The following DLEC1 variants were observed in gnomAD, a reference collection of about 807,000 sequenced individuals.
DLEC1 encodes DLEC1 cilia and flagella associated protein, also known as deleted in lung and esophageal cancer protein 1.
DLEC1 carries 146 observed loss-of-function variants against 198.1 expected under a neutral mutation model. The observed-to-expected ratio is 0.74, with a 90% CI of 0.64 to 0.85. The LOEUF is 0.85. DLEC1 is among the 40% of genes least tolerant of loss of function. The probability of loss-of-function intolerance (pLI) is 0.00; values close to 1 mark genes in which losing one functional copy is unlikely to be tolerated. For missense variants in DLEC1, 2,233 were observed against 2,220.0 expected (o/e 1.01, Z -0.12); for synonymous variants, 897 against 866.8 (o/e 1.03, Z -0.61).
intron 2 of DLEC1, among the ~76,000 whole-genome samples, chr3:38,058,094 G>C (rs1264135090): frequency 1.3e-5 from 2 of 152,108 alleles, no homozygotes; most frequent in African/African-American, 4.8e-5. Flanking sequence ...GAGCCACCGT[G>C]CCCGGCCCAC....
intron 6 of DLEC1, among the ~76,000 whole-genome samples, chr3:38,082,444 C>T (rs958229526): frequency 9.2e-5 from 14 of 151,990 alleles, no homozygotes; most frequent in South Asian, 4.2e-4. Context: ...CCAAGGCAGG[C>T]GGCTGCTCCT....
At chr3:38,087,073 C>CA (rs1357870514) in intron 9 of DLEC1, among the ~76,000 whole-genome samples, 14,772 of 94,590 alleles carry the variant, frequency 0.16, 1,102 homozygotes, top group African/African-American at 0.27. Context: ...GACTCCATCT[C>CA]AAAAAAAAAA....
At chr3:38,058,894 A>C (rs1696525277) in intron 2 of DLEC1, among the ~76,000 whole-genome samples, 1 of 152,104 alleles carries the variant, frequency 6.6e-6, no homozygotes, top group South Asian at 2.1e-4. Flanking sequence ...AATAAAGTCT[A>C]TTTTTAAAAA....
At chr3:38,116,386 G>C in intron 27 of DLEC1, 67 bp from the exon 28 acceptor site, 1 of 1,550,856 alleles carries the variant, frequency 6.4e-7, no homozygotes, top group East Asian at 2.3e-5. Context: ...GGTATGAGGA[G>C]GAGGGGGCCC....
In DLEC1 at chr3:38,120,368, AAGG is replaced by A. The variant is rs1359866434; in HGVS notation, c.4705-75_4705-73del. On this transcript the variant is annotated intron_variant, in intron 33 of 36. Coordinates refer to ENST00000308059, the MANE Select transcript of DLEC1 (RefSeq NM_007335.4). ...CTGGGCAAGGCTGGGCCTGGGAGGA[AAGG>A]AGGATGGAGCTCCAGGTGGGGAAGT... 3 of 1,538,914 alleles carry A rather than the reference AAGG, an allele frequency of 1.9e-6. No individual in the cohort carries two copies. The Admixed American group carries it at 5.1e-5, about 26-fold the overall frequency.
At chr3:38,088,954 A>C (rs1456221879) in intron 10 of DLEC1, among the ~76,000 whole-genome samples, 1 of 152,028 alleles carries the variant, frequency 6.6e-6, no homozygotes, top group Non-Finnish European at 1.5e-5. Flanking sequence ...TGGTCCCCAG[A>C]GGTGCCCATG....
At chr3:38,084,616 A>AGTGGTGGTGGTGGTGGTG (rs1698338039) in intron 7 of DLEC1, among the ~76,000 whole-genome samples, 1 of 93,312 alleles carries the variant, frequency 1.1e-5, no homozygotes. Context: ...TAGCAGTAGC[A>AGTGGTGGTGGTGGTGGTG]GTACTGCTAC....
intron 33 of DLEC1, 88 bp downstream of exon 33, chr3:38,118,112 T>A: frequency 1.4e-6 from 2 of 1,442,140 alleles, no homozygotes; most frequent in Non-Finnish European, 1.9e-6. Flanking sequence ...CTCAGGTGCT[T>A]GTACCCAGAC....
Position 38,116,757 on chromosome 3 carries a change from G to T in DLEC1, c.4063-16G>T. On this transcript the variant is annotated splice_polypyrimidine_tract_variant and intron_variant, in intron 28 of 36. Transcript: ENST00000308059. ...CCTCAGTGACTGCGTGAACCTCAGT[G>T]ATTCCTTGGTGACAGGTTGAGGGCA... The T allele has an allele frequency of 6.2e-7, 1 of 1,609,550 alleles. No homozygotes were observed. Among genetic ancestry groups the T allele is most frequent in the South Asian group, 1.1e-5 (1 of 90,548 alleles).
At chr3:38,063,732 T>C (rs1031043257) in intron 5 of DLEC1, 109 bp from the exon 6 acceptor site, 1 of 787,470 alleles carries the variant, frequency 1.3e-6, no homozygotes, top group Non-Finnish European at 2.1e-6. Flanking sequence ...ATTGTGAATA[T>C]CTTTGATGGT....
chr3:38,076,966 G>A (rs916579508), intron 6 of DLEC1, among the ~76,000 whole-genome samples: 3 of 152,154 alleles, frequency 2.0e-5, no homozygotes, highest in Non-Finnish European at 4.4e-5. Context: ...AACATTTGTT[G>A]TGTAGAATTA....
chr3:38,119,051 G>A (rs1249664481), intron 33 of DLEC1, among the ~76,000 whole-genome samples: 3 of 152,194 alleles, frequency 2.0e-5, no homozygotes, highest in African/African-American at 7.2e-5. Context: ...CCAGAGCACA[G>A]CCAGAGGTTC....
chr3:38,079,044 A>G (rs1697801987), intron 6 of DLEC1, among the ~76,000 whole-genome samples: 1 of 152,116 alleles, frequency 6.6e-6, no homozygotes, highest in Admixed American at 6.5e-5. Context: ...GGTAAGGGTG[A>G]TTAGGTTTTA....
chr3:38,084,543 G>GCAGTGA (rs1698312412), intron 7 of DLEC1, among the ~76,000 whole-genome samples: 1 of 1,994 alleles, frequency 5.0e-4, no homozygotes, highest in South Asian at 0.012. Flanking sequence ...GGTGGTGGTA[G>GCAGTGA]TAGTAGTGGT....
chr3:38,108,556 CCCTGCCAACCATACGCA>C (rs1387554040), intron 21 of DLEC1, 41 bp downstream of exon 21: 1 of 1,530,014 alleles, frequency 6.5e-7, no homozygotes, highest in Non-Finnish European at 9.0e-7. Flanking sequence ...CGGGAAGGCA[CCCTGCCAACCATACGCA>C]CCTGTGCCAC....
At position 38,063,847 on chromosome 3, in the gene DLEC1, T is replaced by G; in HGVS notation, c.1101T>G (p.Ala367=). Residue 367 remains alanine (A), a synonymous_variant, in exon 6 of 37, where the codon GCT becomes GCG. Transcript: ENST00000308059. ...FQSTEPEQSC[A]DTPVFLAKPP... Reference sequence around the variant, plus strand: ...CTCTTTTTTCATCCCACAGTTGTGCTGATACTCCAGTGTTTCTAGCTAAGC... The same window carrying G: ...CTCTTTTTTCATCCCACAGTTGTGCGGATACTCCAGTGTTTCTAGCTAAGC... 1 of 1,613,544 alleles carries G rather than the reference T, an allele frequency of 6.2e-7. No homozygotes were observed. Among genetic ancestry groups the G allele is most frequent in the Non-Finnish European group, 8.5e-7 (1 of 1,179,572 alleles).
At chr3:38,041,347 T>G (rs551811937) in intron 1 of DLEC1, among the ~76,000 whole-genome samples, 1 of 152,238 alleles carries the variant, frequency 6.6e-6, no homozygotes, top group African/African-American at 2.4e-5. Flanking sequence ...CCCACTATGT[T>G]GCCCAGGCTG....
rs772218619 is a variant in DLEC1 at position 38,039,471 on chromosome 3, G to A, written c.246G>A (p.Leu82=). 2.5e-6 allele frequency: 4 copies of A among 1,614,036 alleles called. No homozygotes were observed. Among genetic ancestry groups the A allele is most frequent in the Non-Finnish European group, 3.4e-6 (4 of 1,179,876 alleles). ...AQRPEPQLLR[L]RPSSLRTQDI... is the part of the protein sequence containing the mutation. The stretch of plus-strand genomic sequence containing the variant: ...GTCCCGAGCCTCAGCTGCTTCGTCT[G>A]CGCCCCTCCTCGCTGCGCACCCAAG... The change falls in exon 1 of 37, where the codon CTG becomes CTA. Residue 82 remains leucine, a synonymous_variant. Transcript: ENST00000308059.
chr3:38,099,776 G>A (rs1340991289), intron 18 of DLEC1, among the ~76,000 whole-genome samples: 1 of 151,378 alleles, frequency 6.6e-6, no homozygotes, highest in Non-Finnish European at 1.5e-5. Flanking sequence ...GACCGGGGGC[G>A]GGGTGGGGGT....
Sources: allele counts gnomAD v4.1 joint callset (sites outside exome capture counted in the v4.1 genomes callset), GRCh38; gene constraint gnomAD v4.1.1; transcripts MANE v1.5; gene names NCBI Gene and HGNC (gene_info 2026-07-23, HGNC 2026-07-21).